The following GCNT1 variants were observed in gnomAD, a reference collection of about 807,000 sequenced individuals.
GCNT1 encodes the protein glucosaminyl (N-acetyl) transferase 1.
A neutral mutation model predicts 26.2 loss-of-function variants in GCNT1; 16 were observed. That is an observed-to-expected ratio of 0.61 (90% confidence interval 0.41 to 0.93). The LOEUF (loss-of-function observed/expected upper bound fraction) is 0.93, where lower values mean the gene tolerates loss of function less well. GCNT1 is among the 40% of genes least tolerant of loss of function. The probability of loss-of-function intolerance (pLI) is 0.00; values close to 1 mark genes in which losing one functional copy is unlikely to be tolerated. For synonymous variants in GCNT1, 183 were observed against 190.8 expected (o/e 0.96, Z 0.34); for missense variants, 477 against 526.7 (o/e 0.91, Z 0.92).
chr9:76,457,102 T>C (rs1823769099), upstream of GCNT1, among the ~76,000 whole-genome samples: 1 of 152,226 alleles, frequency 6.6e-6, no homozygotes, highest in Admixed American at 6.5e-5. Flanking sequence ...TATCTATTTT[T>C]ATTTTGTAGA....
chr9:76,398,424 C>T, the GCNT1 span, among the ~76,000 whole-genome samples: 7 of 152,332 alleles, frequency 4.6e-5, no homozygotes, highest in African/African-American at 1.7e-4. Flanking sequence ...ACACCAAATG[C>T]TGGCAACCAT....
the GCNT1 span, among the ~76,000 whole-genome samples, chr9:76,404,220 C>T: frequency 6.6e-6 from 1 of 152,062 alleles, no homozygotes; most frequent in Non-Finnish European, 1.5e-5. Flanking sequence ...TTCAAAATTA[C>T]TGGTGTTTCC....
intron 2 of GCNT1, among the ~76,000 whole-genome samples, chr9:76,469,752 C>T (rs375531709): frequency 6.6e-6 from 1 of 152,188 alleles, no homozygotes; most frequent in Non-Finnish European, 1.5e-5. Context: ...TGTTCCTGCA[C>T]GGCTAAGTGC....
chr9:76,471,731 T>C (rs960069960), intron 2 of GCNT1, among the ~76,000 whole-genome samples: 2 of 152,338 alleles, frequency 1.3e-5, no homozygotes, highest in African/African-American at 4.8e-5. Context: ...ATTCTCCTAT[T>C]AGGAAAGACA....
Position 76,482,397 on chromosome 9 carries a change from G to A in GCNT1, c.-289-18519G>A, listed in dbSNP as rs536347678. ...AGCACTTTGGGAGGCTGAGGCGGGC[G>A]GATCACGAGGTCAGGAGATCGAGAC... On this transcript the variant is annotated intron_variant, in intron 2 of 3. Coordinates refer to ENST00000376730, the MANE Select transcript of GCNT1 (RefSeq NM_001490.5). Among the ~76,000 whole-genome samples the A allele has an allele frequency of 1.6e-4, 24 of 151,832 alleles. 1 individual carries two copies. The highest frequency in any genetic ancestry group is 8.3e-4 in the South Asian group (4 of 4,792).
intron 3 of GCNT1, 117 bp from the exon 4 acceptor site, chr9:76,502,122 A>G (rs1410020635): frequency 2.3e-5 from 4 of 170,454 alleles, no homozygotes; most frequent in Non-Finnish European, 4.9e-5. Context: ...CAAAGAGGAC[A>G]GTTTTTTGAG....
intron 1 of GCNT1, among the ~76,000 whole-genome samples, chr9:76,429,001 C>CT (rs923649230): frequency 1.3e-5 from 2 of 152,124 alleles, no homozygotes; most frequent in East Asian, 1.9e-4. Flanking sequence ...CGCCAGGCCT[C>CT]TTTTTTTATT....
chr9:76,455,866 G>T (rs1224434065), upstream of GCNT1, among the ~76,000 whole-genome samples: 1 of 152,206 alleles, frequency 6.6e-6, no homozygotes, highest in African/African-American at 2.4e-5. Flanking sequence ...GCCTCCCGAA[G>T]TGCTGGGATT....
chr9:76,419,939 C>G (rs577278766), intron 1 of GCNT1: 1 of 152,216 alleles, frequency 6.6e-6, no homozygotes, highest in Admixed American at 6.5e-5. Flanking sequence ...AGCTGGCACC[C>G]GGAAAACATC....
chr9:76,431,430 AT>A (rs1823334412), intron 1 of GCNT1, among the ~76,000 whole-genome samples: 1 of 152,194 alleles, frequency 6.6e-6, no homozygotes, highest in South Asian at 2.1e-4. Flanking sequence ...TACACTTATG[AT>A]TATAATTTTA....
intron 2 of GCNT1, among the ~76,000 whole-genome samples, chr9:76,494,079 C>G (rs1041990613): frequency 2.6e-5 from 4 of 152,070 alleles, no homozygotes; most frequent in Non-Finnish European, 5.9e-5. Context: ...CCCCGCCCCC[C>G]ACCAAGAACC....
At position 76,434,209 on chromosome 9, in the gene GCNT1, A is replaced by G. The variant is rs555662746; in HGVS notation, n.38+14322A>G. On this transcript the variant is annotated intron_variant and non_coding_transcript_variant, in intron 1 of 3. Coordinates refer to the GCNT1 transcript ENST00000488136. The stretch of plus-strand genomic sequence containing the variant: ...TTCGAGTATCCACTGGGGGTCTTGG[A>G]ACGTATCTCCTGTGGATAAGGGGGG... Among the ~76,000 whole-genome samples, 4 of 152,278 alleles carry G rather than the reference A, an allele frequency of 2.6e-5. No individual in the cohort carries two copies. In the South Asian group the frequency reaches 8.3e-4, roughly 32 times the overall value.
At chr9:76,485,087 A>G (rs1587444983) in intron 2 of GCNT1, among the ~76,000 whole-genome samples, 3 of 152,032 alleles carry the variant, frequency 2.0e-5, no homozygotes, top group African/African-American at 7.2e-5. Context: ...GCGCCCGACC[A>G]TGATTTCTTT....
chr9:76,411,697 C>CTTTTTTTTGTTTTTT, the GCNT1 span, among the ~76,000 whole-genome samples: 1 of 83,652 alleles, frequency 1.2e-5, no homozygotes, highest in African/African-American at 5.0e-5. Context: ...ATCAATTATA[C>CTTTTTTTTGTTTTTT]TTTTTTTTTT....
chr9:76,480,420 G>A (rs984640244), intron 2 of GCNT1, among the ~76,000 whole-genome samples: 8 of 152,110 alleles, frequency 5.3e-5, no homozygotes, highest in Non-Finnish European at 1.0e-4. Flanking sequence ...GATGGGAATG[G>A]CATTGAATCT....
In GCNT1 at chr9:76,497,517, A is replaced by G. The variant is rs548668230; in HGVS notation, c.-289-3399A>G. On this transcript the variant is annotated intron_variant, in intron 2 of 3. Coordinates refer to ENST00000376730, the MANE Select transcript of GCNT1 (RefSeq NM_001490.5). ...GCTTTCTCACATATTTAGCTTCTTT[A>G]TAGACACTTACCCATCTTGTTAAAA... is the stretch of plus-strand genomic sequence containing the variant. 6.8e-4 allele frequency among the ~76,000 whole-genome samples: 103 copies of G among 152,226 alleles called. 1 individual carries two copies. The highest frequency in any genetic ancestry group is 1.6e-3 in the Admixed American group (24 of 15,284).
upstream of GCNT1, among the ~76,000 whole-genome samples, chr9:76,439,898 G>A (rs977778641): frequency 2.0e-5 from 3 of 151,788 alleles, no homozygotes; most frequent in Non-Finnish European, 2.9e-5. Context: ...TCAGGAGATC[G>A]AGACCATCCT....
chr9:76,461,021 T>C (rs1274746324), intron 2 of GCNT1, among the ~76,000 whole-genome samples: 1 of 152,162 alleles, frequency 6.6e-6, no homozygotes, highest in Non-Finnish European at 1.5e-5. Flanking sequence ...CGTTTTTCCC[T>C]AAAACTGGGA....
intron 2 of GCNT1, among the ~76,000 whole-genome samples, chr9:76,479,252 A>G (rs1301664114): frequency 6.6e-6 from 1 of 152,130 alleles, no homozygotes; most frequent in Non-Finnish European, 1.5e-5. Context: ...AATCCAGTCT[A>G]TCATTGTTGG....
Sources: gnomAD v4.1 joint callset for allele counts (sites outside exome capture counted in the v4.1 genomes callset) on GRCh38, gnomAD v4.1.1 for gene constraint, MANE v1.5 for transcripts, NCBI Gene and HGNC (gene_info 2026-07-23, HGNC 2026-07-21) for gene names.